JPH2: variants seen among roughly 807,000 people sequenced by gnomAD.
JPH2 encodes junctophilin-2.
JPH2 carries 38 observed loss-of-function variants against 55.9 expected under a neutral mutation model. The ratio of observed to expected loss-of-function variants is 0.68; its 90% CI spans 0.52 to 0.89. The LOEUF (loss-of-function observed/expected upper bound fraction) is 0.89. JPH2 is among the 40% of genes least tolerant of loss of function. The probability of loss-of-function intolerance (pLI) is 0.00; values close to 1 mark genes in which losing one functional copy is unlikely to be tolerated. For missense variants in JPH2, 964 were observed against 1,037.6 expected (o/e 0.93, Z 0.97); for synonymous variants, 480 against 472.4 (o/e 1.02, Z -0.21).
intron 1 of JPH2, among the ~76,000 whole-genome samples, chr20:44,167,722 T>G (rs545457467): frequency 5.4e-4 from 82 of 152,228 alleles, no homozygotes; most frequent in Non-Finnish European, 9.8e-4. Context: ...TTCTAAGACA[T>G]GCATAAACTA....
intron 1 of JPH2, among the ~76,000 whole-genome samples, chr20:44,168,999 G>A (rs1203302149): frequency 6.6e-6 from 1 of 152,024 alleles, no homozygotes; most frequent in East Asian, 1.9e-4. Context: ...TCTCACTCTT[G>A]CTTCCACTCT....
chr20:44,132,347 GACAGACAGACAC>G lies in JPH2; in HGVS notation c.1170-13736_1170-13725del, dbSNP rs1399184855. On this transcript the variant is annotated intron_variant, in intron 2 of 5. Coordinates refer to ENST00000372980, the MANE Select transcript of JPH2 (RefSeq NM_020433.5). The stretch of plus-strand genomic sequence containing the variant: ...CTGTGAATGAGGTGGAAGGGAGGCA[GACAGACAGACAC>G]ACACACACACACACACACACACACA... Among the ~76,000 whole-genome samples the G allele has an allele frequency of 7.1e-3, 628 of 88,824 alleles. 5 individuals carry two copies. Among genetic ancestry groups the G allele is most frequent in the Non-Finnish European group, 9.8e-3 (444 of 45,448 alleles). The allele number at this position is 88,824 out of a possible 152,430, so 58.3% of individuals were successfully genotyped here.
At chr20:44,120,079 A>G (rs964461876) in intron 2 of JPH2, among the ~76,000 whole-genome samples, 7 of 151,886 alleles carry the variant, frequency 4.6e-5, no homozygotes, top group African/African-American at 1.5e-4. Flanking sequence ...CTCCTTCCCT[A>G]CGCCATCCTG....
chr20:44,177,015 A>G (rs1267409468), intron 1 of JPH2: 2 of 985,294 alleles, frequency 2.0e-6, no homozygotes, highest in East Asian at 1.1e-4. Context: ...GGCCTGGAGC[A>G]GGGGTCACTC....
chr20:44,185,387 G>T (rs185182419), intron 1 of JPH2, among the ~76,000 whole-genome samples: 1 of 152,172 alleles, frequency 6.6e-6, no homozygotes, highest in South Asian at 2.1e-4. Flanking sequence ...AATTTGGGAG[G>T]CCGAGACAGG....
chr20:44,166,479 T>G (rs2072656667), intron 1 of JPH2, among the ~76,000 whole-genome samples: 1 of 152,232 alleles, frequency 6.6e-6, no homozygotes, highest in African/African-American at 2.4e-5. Context: ...CAACCTACCT[T>G]TAGCTTCAGT....
chr20:44,168,372 AT>A (rs201076311), intron 1 of JPH2, among the ~76,000 whole-genome samples: 4,796 of 144,014 alleles, frequency 0.033, 92 homozygotes, highest in Non-Finnish European at 0.047. Context: ...CACAAAAAAA[AT>A]ATTGTGGATA....
In JPH2 at chr20:44,159,483, C is replaced by G; in HGVS notation, c.1169+135G>C. 2.2e-6 allele frequency: 2 copies of G among 898,306 alleles called. No homozygotes were observed. Among genetic ancestry groups the G allele is most frequent in the South Asian group, 1.6e-5 (1 of 63,404 alleles). 55.6% of individuals were successfully genotyped at this position (898,306 alleles called of 1,614,324 possible). A position where few individuals can be genotyped will look rare whatever the true frequency, so the allele number is the denominator to read the frequency against. ...GGAGCCACCAGCTCCCGAAGAGCCT[C>G]CAATTAACCCCTGAAGGTGATGGGG... On this transcript the variant is annotated intron_variant, in intron 2 of 5. Transcript: ENST00000372980. The surrounding 1 kb of genome is among the most constrained non-coding windows in gnomAD (Gnocchi z 5.7).
chr20:44,137,904 G>T (rs890725696), intron 2 of JPH2, among the ~76,000 whole-genome samples: 38 of 152,150 alleles, frequency 2.5e-4, no homozygotes, highest in African/African-American at 9.2e-4. Context: ...TGAAGGATGG[G>T]ATGCTTTCTA....
intron 2 of JPH2, among the ~76,000 whole-genome samples, chr20:44,157,232 G>T (rs1394628275): frequency 7.2e-5 from 11 of 152,182 alleles, no homozygotes; most frequent in Non-Finnish European, 1.6e-4. Flanking sequence ...CCAGCTGTCA[G>T]CCCTCTCCAG....
chr20:44,164,711 CAAA>C (rs1569213325), intron 1 of JPH2, among the ~76,000 whole-genome samples: 10 of 118,046 alleles, frequency 8.5e-5, no homozygotes, highest in Non-Finnish European at 1.3e-4. Flanking sequence ...AACAAACAAA[CAAA>C]CAAACCTATA....
At chr20:44,174,556 T>C (rs2072719886) in intron 1 of JPH2, among the ~76,000 whole-genome samples, 1 of 152,134 alleles carries the variant, frequency 6.6e-6, no homozygotes, top group Non-Finnish European at 1.5e-5. Context: ...GGCAGATCAC[T>C]TGAGGTCAGG....
chr20:44,119,887 A>G (rs933300780), intron 2 of JPH2, among the ~76,000 whole-genome samples: 4 of 151,442 alleles, frequency 2.6e-5, no homozygotes, highest in Non-Finnish European at 5.9e-5. Flanking sequence ...AAAAAAAAAA[A>G]AAAAAAAATC....
chr20:44,126,168 G>GAGGAAGGA (rs774393666), intron 2 of JPH2, among the ~76,000 whole-genome samples: 4 of 36,326 alleles, frequency 1.1e-4, no homozygotes, highest in East Asian at 1.8e-3. Context: ...GGGAGGGAGG[G>GAGGAAGGA]AGGAAGGAAG....
chr20:44,117,464 G>A (rs1020199708), intron 3 of JPH2, among the ~76,000 whole-genome samples: 3 of 152,186 alleles, frequency 2.0e-5, no homozygotes, highest in Non-Finnish European at 4.4e-5. Context: ...TGCTCTGTCC[G>A]AGTTTCTGTG....
chr20:44,145,306 G>C (rs965329234), intron 2 of JPH2, among the ~76,000 whole-genome samples: 1 of 152,070 alleles, frequency 6.6e-6, no homozygotes, highest in African/African-American at 2.4e-5. Context: ...TGCTACTTGG[G>C]CTGAAAAGTA....
intron 1 of JPH2, among the ~76,000 whole-genome samples, chr20:44,178,666 G>C (rs1382814354): frequency 6.6e-6 from 1 of 152,128 alleles, no homozygotes; most frequent in African/African-American, 2.4e-5. Context: ...GAAGAAGCTG[G>C]TTTTAAAATG....
chr20:44,131,336 G>A (rs1357427962), intron 2 of JPH2, among the ~76,000 whole-genome samples: 4 of 152,186 alleles, frequency 2.6e-5, no homozygotes, highest in Non-Finnish European at 1.5e-5. Flanking sequence ...TTTCCCTGGT[G>A]GAGCTTTCAG....
At chr20:44,185,435 G>A (rs2072826933) in intron 1 of JPH2, among the ~76,000 whole-genome samples, 1 of 150,692 alleles carries the variant, frequency 6.6e-6, no homozygotes, top group Non-Finnish European at 1.5e-5. Flanking sequence ...ACCAGTCTGG[G>A]CAATATGGAA....
Sources: allele counts gnomAD v4.1 joint callset (sites outside exome capture counted in the v4.1 genomes callset), GRCh38; gene constraint gnomAD v4.1.1; non-coding constraint Gnocchi (gnomAD v3.1); transcripts MANE v1.5; gene names NCBI Gene and HGNC (gene_info 2026-07-23, HGNC 2026-07-21).